Variants in PPP6R2 observed in about 807,000 individuals in gnomAD.
PPP6R2 encodes protein phosphatase 6 regulatory subunit 2, also known as serine/threonine-protein phosphatase 6 regulatory subunit 2.
A neutral mutation model predicts 100.2 loss-of-function variants in PPP6R2; 62 were observed. That is an observed-to-expected ratio of 0.62 (90% CI 0.50 to 0.76). The LOEUF (loss-of-function observed/expected upper bound fraction) is 0.76, where lower values mean the gene tolerates loss of function less well. PPP6R2 is among the 30% of genes least tolerant of loss of function. PPP6R2 has a pLI of 0.00. For missense variants in PPP6R2, 1,142 were observed against 1,276.3 expected (o/e 0.89, Z 1.60); for synonymous variants, 525 against 514.7 (o/e 1.02, Z -0.27).
intron 2 of PPP6R2, among the ~76,000 whole-genome samples, chr22:50,390,918 G>T (rs907688732): frequency 6.6e-6 from 1 of 151,154 alleles, no homozygotes; most frequent in African/African-American, 2.4e-5. Flanking sequence ...AGAATCGCTT[G>T]ACCCCAGGAG....
chr22:50,420,693 G>C (rs1333718647), intron 8 of PPP6R2, among the ~76,000 whole-genome samples: 1 of 152,196 alleles, frequency 6.6e-6, no homozygotes, highest in African/African-American at 2.4e-5. Context: ...GTCTGTGAGG[G>C]AGGCATTGGC....
chr22:50,415,280 TA>T, intron 5 of PPP6R2, among the ~76,000 whole-genome samples: 1 of 152,130 alleles, frequency 6.6e-6, no homozygotes, highest in South Asian at 2.1e-4. Flanking sequence ...TAGAGTAGAG[TA>T]AACCCTGAGG....
At chr22:50,443,616 T>C in intron 22 of PPP6R2, 1 of 563,824 alleles carries the variant, frequency 1.8e-6, no homozygotes, top group Non-Finnish European at 3.2e-6. Context: ...GAGCAGGATC[T>C]GAGTGCTGCC....
At position 50,437,892 on chromosome 22, in the gene PPP6R2, G is replaced by A. The variant is rs1183216729; in HGVS notation, c.1831G>A (p.Glu611Lys). The change falls in exon 17 of 24, where the codon GAG becomes AAG. Residue 611 changes from glutamate to lysine, a missense_variant. Physicochemically the swap from Glu to Lys is moderately conservative, Grantham distance 56. Coordinates refer to ENST00000612753, the MANE Select transcript of PPP6R2 (RefSeq NM_001242898.2). ...GATCAACTTCAACATCGACGCTGACGAGGACAGTGTGAGCAAGCCGGGCTG... is the reference window on the plus strand; with the variant it reads ...GATCAACTTCAACATCGACGCTGACAAGGACAGTGTGAGCAAGCCGGGCTG... The part of the protein sequence containing the change: ...AEINFNIDAD[E>K]DSPSAALFEA... The A allele has an allele frequency of 1.7e-5, 27 of 1,556,380 alleles. No homozygotes were observed. The highest frequency in any genetic ancestry group is 2.3e-5 in the Non-Finnish European group (26 of 1,149,980).
intron 2 of PPP6R2, among the ~76,000 whole-genome samples, chr22:50,381,238 ACGGGCCCCACC>A (rs2052866112): frequency 2.0e-5 from 3 of 149,782 alleles, no homozygotes; most frequent in African/African-American, 4.9e-5. Context: ...GGGGCACCAC[ACGGGCCCCACC>A]TCAGCATCAC....
chr22:50,389,556 GT>G (rs112650389), intron 2 of PPP6R2, among the ~76,000 whole-genome samples: 68,029 of 133,416 alleles, frequency 0.51, 18,024 homozygotes, highest in African/African-American at 0.77. Context: ...ATCTTTTTTT[GT>G]TTTTTTTTTT....
upstream of PPP6R2, among the ~76,000 whole-genome samples, chr22:50,340,597 TGTG>T (rs1569219682): frequency 1.8e-5 from 2 of 110,714 alleles, no homozygotes; most frequent in South Asian, 3.4e-4. Context: ...GGTGTGTGTG[TGTG>T]GTGTGTGGTG....
intron 6 of PPP6R2, among the ~76,000 whole-genome samples, chr22:50,417,507 G>A (rs2060704015): frequency 6.6e-6 from 1 of 152,164 alleles, no homozygotes; most frequent in Non-Finnish European, 1.5e-5. Flanking sequence ...CCTTTTCCTA[G>A]CATTACACAT....
intron 6 of PPP6R2, among the ~76,000 whole-genome samples, chr22:50,418,111 A>G (rs1475129085): frequency 6.6e-6 from 1 of 152,212 alleles, no homozygotes; most frequent in Non-Finnish European, 1.5e-5. Context: ...GCTACTTATT[A>G]CCACATTTAA....
At position 50,444,550 on chromosome 22, in the gene PPP6R2, C is replaced by G. The variant is rs922643382; in HGVS notation, c.*303C>G. ...GGGGTGGGGGTGGGGGTGGGGGGGG[C>G]AGGACCCTGAGATGCCACCAGGACC... On this transcript the variant is annotated 3_prime_UTR_variant, in exon 24 of 24. Coordinates refer to ENST00000612753, the MANE Select transcript of PPP6R2 (RefSeq NM_001242898.2). 1 of 355,128 alleles carries G rather than the reference C, an allele frequency of 2.8e-6. No homozygotes were observed. Among genetic ancestry groups the G allele is most frequent in the Non-Finnish European group, 5.0e-6 (1 of 198,792 alleles). 22.0% of individuals were successfully genotyped at this position (355,128 alleles called of 1,614,324 possible). A position where few individuals can be genotyped will look rare whatever the true frequency, so the allele number is the denominator to read the frequency against.
At position 50,440,902 on chromosome 22, in the gene PPP6R2, G is replaced by C; in HGVS notation, c.2455G>C (p.Gly819Arg). ...GCTGGCCTCTGACAGTAGCTCCTCT[G>C]GGGGCTCCCACAGCGAGGATGGCGA... The part of the protein sequence containing the change: ...PLLASDSSSS[G>R]GSHSEDGDQK... Residue 819 changes from glycine to arginine, a missense_variant, in exon 22 of 24, where the codon GGG becomes CGG. This residue lies in a region of PPP6R2 where 550 missense variants were observed against 517.4 expected (regional missense o/e 1.06). Coordinates refer to ENST00000612753, the MANE Select transcript of PPP6R2 (RefSeq NM_001242898.2). 1 of 1,613,790 alleles carries C rather than the reference G, an allele frequency of 6.2e-7. No individual in the cohort carries two copies. The highest frequency in any genetic ancestry group is 8.5e-7 in the Non-Finnish European group (1 of 1,179,998).
rs923487849 is a variant in PPP6R2, at chr22:50,394,722, C to T, written c.227+587C>T. Among the ~76,000 whole-genome samples the T allele has an allele frequency of 5.3e-5, 8 of 150,392 alleles. No homozygotes were observed. The East Asian group carries it at 5.9e-4, about 11-fold the overall frequency. ...GAGATTGAGACCATCCTGGCTAATA[C>T]GGTGAAACCCCGTCTCTACTAAAAA... On this transcript the variant is annotated intron_variant, in intron 3 of 23. Coordinates refer to ENST00000612753, the MANE Select transcript of PPP6R2 (RefSeq NM_001242898.2).
At chr22:50,342,059 G>A (rs1307879739), upstream of PPP6R2, among the ~76,000 whole-genome samples, 1 of 152,078 alleles carries the variant, frequency 6.6e-6, no homozygotes, top group Admixed American at 6.5e-5. Flanking sequence ...CACAGGAGGG[G>A]TATCAAGATC....
intron 2 of PPP6R2, among the ~76,000 whole-genome samples, chr22:50,385,814 CTTTTTTT>C (rs1192671164): frequency 0.069 from 5,184 of 74,738 alleles, 145 homozygotes; most frequent in East Asian, 0.2. Context: ...CCGCGCCCAG[CTTTTTTT>C]TTTTTTTTTT....
intron 1 of PPP6R2, among the ~76,000 whole-genome samples, chr22:50,356,456 C>T (rs541167695): frequency 6.6e-6 from 1 of 152,082 alleles, no homozygotes; most frequent in African/African-American, 2.4e-5. Flanking sequence ...GTACACACCA[C>T]CATGTCCAGC....
intron 1 of PPP6R2, among the ~76,000 whole-genome samples, chr22:50,362,000 G>T (rs781467777): frequency 6.6e-6 from 1 of 152,192 alleles, no homozygotes; most frequent in Non-Finnish European, 1.5e-5. Flanking sequence ...CAAGGTTCCA[G>T]AGCTGCTCAG....
chr22:50,440,715 C>T, intron 21 of PPP6R2, 107 bp from the exon 22 acceptor site: 1 of 1,281,304 alleles, frequency 7.8e-7, no homozygotes, highest in Non-Finnish European at 1.1e-6. Flanking sequence ...GTGCAGGCAA[C>T]AGGCTGCATG....
chr22:50,376,805 C>T (rs909838574), intron 2 of PPP6R2, among the ~76,000 whole-genome samples: 5 of 152,042 alleles, frequency 3.3e-5, no homozygotes, highest in East Asian at 1.9e-4. Flanking sequence ...TTTGGGAGGC[C>T]GAGGCGGGCA....
chr22:50,376,673 C>T (rs1305673366), intron 2 of PPP6R2, among the ~76,000 whole-genome samples: 2 of 151,986 alleles, frequency 1.3e-5, no homozygotes, highest in Non-Finnish European at 2.9e-5. Flanking sequence ...ATCTGCCCAC[C>T]TCGGCCTCCT....
Sources: gnomAD v4.1 joint callset for allele counts (sites outside exome capture counted in the v4.1 genomes callset) on GRCh38, gnomAD v4.1.1 for gene constraint, gnomAD v4.1.1 regional missense constraint, MANE v1.5 for transcripts, NCBI Gene and HGNC (gene_info 2026-07-23, HGNC 2026-07-21) for gene names.